The following DNAH2 variants were observed in gnomAD, a reference collection of about 807,000 sequenced individuals.
The protein encoded by DNAH2 is dynein axonemal heavy chain 2.
In DNAH2, 323 loss-of-function variants were observed where a neutral mutation model predicts 523.5. The observed-to-expected ratio is 0.62, with a 90% CI of 0.56 to 0.68. The LOEUF (loss-of-function observed/expected upper bound fraction) is 0.68, where lower values mean the gene tolerates loss of function less well. Among genes scored for constraint, DNAH2 ranks in the 30% least tolerant of loss-of-function variants. DNAH2 has a pLI of 0.00. For missense variants in DNAH2, 4,907 were observed against 5,701.5 expected (o/e 0.86, Z 4.49); for synonymous variants, 2,093 against 2,177.4 (o/e 0.96, Z 1.08).
rs1399393264 is a variant in DNAH2 at position 7,780,611 on chromosome 17, CT to C, written c.5851-18del. ...TTGTGGGGAGATGGACTGTTTCCTC[CT>C]CTGTTTTGGTTCCCCAGATTCTGGC... On this transcript the variant is annotated intron_variant, in intron 37 of 85. Transcript: ENST00000572933. The surrounding 1 kb of genome is among the most constrained non-coding windows in gnomAD (Gnocchi z 4.4). The C allele has an allele frequency of 1.9e-6, 3 of 1,613,038 alleles. No individual in the cohort carries two copies. The African/African-American group carries it at 4.0e-5, about 22-fold the overall frequency.
chr17:7,816,420 A>G, intron 63 of DNAH2, 151 bp from the exon 64 acceptor site: 1 of 851,062 alleles, frequency 1.2e-6, no homozygotes, highest in Non-Finnish European at 1.8e-6. Context: ...TAGGGTAGGT[A>G]TTCTTTTACA....
chr17:7,789,365 G>A (rs1452775807), intron 44 of DNAH2, among the ~76,000 whole-genome samples: 1 of 152,152 alleles, frequency 6.6e-6, no homozygotes, highest in South Asian at 2.1e-4. Flanking sequence ...AGGGCGGGCC[G>A]AGCTGGTGGT....
In DNAH2 at chr17:7,819,345, G is replaced by A. The variant is rs57926692; in HGVS notation, c.10952G>A (p.Arg3651His). 6,534 of 1,614,192 alleles carry A rather than the reference G, an allele frequency of 4.0e-3. 209 individuals carry two copies. The African/African-American group carries it at 0.069, about 17-fold the overall frequency. ...ATTCTCAGCATTGACAAAAGCCACC[G>A]CAGCAATAAGCTGGAGGACCGCATT... ...LFILSIDKSH[R>H]SNKLEDRIDY... is the part of the protein sequence containing the mutation. Residue 3651 changes from arginine to histidine, a missense_variant, in exon 72 of 86, where the codon CGC becomes CAC. Physicochemically the swap from Arg to His is conservative, Grantham distance 29 (BLOSUM62 0). Around this residue, in one of 3 missense-constraint regions of DNAH2, gnomAD observed 1,851 missense variants for 2,139.4 expected, o/e 0.87. Coordinates refer to ENST00000572933, the MANE Select transcript of DNAH2 (RefSeq NM_020877.5).
intron 72 of DNAH2, 31 bp downstream of exon 72, chr17:7,819,439 C>A: frequency 6.2e-7 from 1 of 1,612,972 alleles, no homozygotes; most frequent in Non-Finnish European, 8.5e-7. Flanking sequence ...TGCCCCAGCC[C>A]GGAGGCCGAG....
chr17:7,805,520 C>A, intron 61 of DNAH2, 127 bp downstream of exon 61: 1 of 1,381,006 alleles, frequency 7.2e-7, no homozygotes, highest in Non-Finnish European at 9.8e-7. Flanking sequence ...GAGCACAGGG[C>A]CTAGTAGAAA....
chr17:7,817,456 A>G, intron 65 of DNAH2, 41 bp downstream of exon 65: 1 of 1,613,406 alleles, frequency 6.2e-7, no homozygotes, highest in East Asian at 2.2e-5. Flanking sequence ...CTCCGAGACC[A>G]GGGCTGGGGG....
At chr17:7,765,703 G>A in intron 21 of DNAH2, 138 bp downstream of exon 21, 2 of 903,196 alleles carry the variant, frequency 2.2e-6, no homozygotes, top group Admixed American at 5.5e-5. Flanking sequence ...CCTCCACTCA[G>A]GAGCAAAGGA....
intron 11 of DNAH2, among the ~76,000 whole-genome samples, chr17:7,742,374 T>C (rs1380501320): frequency 6.6e-6 from 1 of 152,124 alleles, no homozygotes; most frequent in East Asian, 1.9e-4. Flanking sequence ...GAAGTTGCAG[T>C]GAGCCGAGAT....
In DNAH2 at chr17:7,759,512, C is replaced by G. The variant is rs1255836088; in HGVS notation, c.2539C>G (p.Leu847Val). 6.2e-7 allele frequency: 1 copy of G among 1,614,222 alleles called. No homozygotes were observed. The highest frequency in any genetic ancestry group is 1.1e-5 in the South Asian group (1 of 91,086). The change falls in exon 16 of 86, where the codon CTA (leucine) becomes GTA (valine). Residue 847 changes from leucine (L) to valine (V), a missense_variant. Around this residue, in one of 3 missense-constraint regions of DNAH2, gnomAD observed 2,806 missense variants for 3,190.8 expected, o/e 0.88. Transcript: ENST00000572933. Reference protein sequence around the residue: ...RLNVKWSLLELSKAINGDGKT... With the variant: ...RLNVKWSLLEVSKAINGDGKT... Reference sequence around the variant, plus strand: ...GAATGTGAAGTGGTCACTGCTAGAACTATCCAAGGCTATCAACGGGGATGG... The same window carrying G: ...GAATGTGAAGTGGTCACTGCTAGAAGTATCCAAGGCTATCAACGGGGATGG...
chr17:7,733,337 A>G, intron 5 of DNAH2, 22 bp downstream of exon 5: 2 of 1,611,876 alleles, frequency 1.2e-6, no homozygotes, highest in Non-Finnish European at 1.7e-6. Context: ...GACCGGAGTG[A>G]CTAGTTTCTC....
At chr17:7,801,393 A>G (rs2077219377) in intron 56 of DNAH2, among the ~76,000 whole-genome samples, 185 bp from the exon 57 acceptor site, 1 of 152,214 alleles carries the variant, frequency 6.6e-6, no homozygotes, top group Non-Finnish European at 1.5e-5. Flanking sequence ...TTCTGATGCC[A>G]GAAGCTGTTT....
intron 64 of DNAH2, 91 bp from the exon 65 acceptor site, chr17:7,817,199 A>G (rs1278523376): frequency 1.0e-5 from 15 of 1,490,438 alleles, no homozygotes; most frequent in Non-Finnish European, 1.2e-5. Flanking sequence ...TGAACCTGAC[A>G]GTGTCCAGAA....
intron 56 of DNAH2, 106 bp from the exon 57 acceptor site, chr17:7,801,471 TG>T: frequency 6.7e-7 from 1 of 1,491,802 alleles, no homozygotes; most frequent in Non-Finnish European, 9.2e-7. Context: ...AGCAAGGGGA[TG>T]GGGCATTTTA....
At chr17:7,762,748 CAG>C in intron 18 of DNAH2, among the ~76,000 whole-genome samples, 1 of 152,156 alleles carries the variant, frequency 6.6e-6, no homozygotes, top group East Asian at 1.9e-4. Flanking sequence ...GTTCACCCCA[CAG>C]AGTGAGATCT....
At chr17:7,830,590 T>G in intron 78 of DNAH2, 68 bp from the exon 79 acceptor site, 1 of 1,608,656 alleles carries the variant, frequency 6.2e-7, no homozygotes, top group South Asian at 1.1e-5. Context: ...AAGCCTGTGT[T>G]GAAGCCCCAT....
At position 7,807,066 on chromosome 17, in the gene DNAH2, A is replaced by G. The variant is rs2077385769; in HGVS notation, c.9443-84A>G. ...AACTGAGCCCAGGAAAAATGTGGCTATGCGTGAGTAGTGGAGGTGAAACTG... is the reference window on the plus strand; with the variant it reads ...AACTGAGCCCAGGAAAAATGTGGCTGTGCGTGAGTAGTGGAGGTGAAACTG... On this transcript the variant is annotated intron_variant, in intron 61 of 85. Coordinates refer to ENST00000572933, the MANE Select transcript of DNAH2 (RefSeq NM_020877.5). This position sits in a 1 kb window ranked among gnomAD's most constrained non-coding sequence, Gnocchi z 5.6. The G allele has an allele frequency of 7.3e-6, 11 of 1,497,426 alleles. No individual in the cohort carries two copies. In the South Asian group the frequency reaches 1.3e-4, roughly 17 times the overall value. 92.8% of individuals were successfully genotyped at this position (1,497,426 alleles called of 1,614,324 possible). A position where few individuals can be genotyped will look rare whatever the true frequency, so the allele number is the denominator to read the frequency against.
At position 7,759,618 on chromosome 17, in the gene DNAH2, C is replaced by G. The variant is rs2151195959; in HGVS notation, c.2637+8C>G. 6.2e-7 allele frequency: 1 copy of G among 1,611,126 alleles called. No homozygotes were observed. Among genetic ancestry groups the G allele is most frequent in the South Asian group, 1.1e-5 (1 of 90,802 alleles). ...CAAGGAAGTGTGGCACAGGTAAGAACCACTTTGCCCCCAACATCTCAAAAC... is the reference window on the plus strand; with the variant it reads ...CAAGGAAGTGTGGCACAGGTAAGAAGCACTTTGCCCCCAACATCTCAAAAC... On this transcript the variant is annotated splice_region_variant and intron_variant, in intron 16 of 85. Transcript: ENST00000572933.
chr17:7,740,501 G>T lies in DNAH2; in HGVS notation c.1458G>T (p.Pro486=), dbSNP rs778583402. 6 of 1,614,138 alleles carry T rather than the reference G, an allele frequency of 3.7e-6. No homozygotes were observed. The highest frequency in any genetic ancestry group is 2.5e-6 in the Non-Finnish European group (3 of 1,180,026). ...TSAFELVRDV[P]HGVLLLDTFH... ...CCTTCGAGTTGGTGCGGGACGTGCC[G>T]CACGGCGTGCTTCTGCTGGACACCT... Residue 486 remains proline, a synonymous_variant, in exon 10 of 86, where the codon CCG becomes CCT. Coordinates refer to ENST00000572933, the MANE Select transcript of DNAH2 (RefSeq NM_020877.5).
In DNAH2 at chr17:7,798,303, C is replaced by T. The variant is rs138592684; in HGVS notation, c.8377C>T (p.Arg2793Trp). The change falls in exon 54 of 86, where the codon CGG becomes TGG. Residue 2793 changes from arginine to tryptophan, a missense_variant. Arg to Trp is a moderately radical substitution (Grantham distance 101). This residue lies in a region of DNAH2 where 1,851 missense variants were observed against 2,139.4 expected (regional missense o/e 0.87). Transcript: ENST00000572933. This position sits in a 1 kb window ranked among gnomAD's most constrained non-coding sequence, Gnocchi z 5.5. ...TFQIEVTKHY[R>W]KQEFRDDIKR... ...CCAGATCGAGGTCACCAAACATTAT[C>T]GGAAGCAGGAGTTCCGAGATGGTAC... is the stretch of plus-strand genomic sequence containing the variant. The T allele has an allele frequency of 7.9e-5, 127 of 1,611,772 alleles. No individual in the cohort carries two copies. The African/African-American group carries it at 9.2e-4, about 12-fold the overall frequency.
Sources: allele counts gnomAD v4.1 joint callset (sites outside exome capture counted in the v4.1 genomes callset), GRCh38; gene constraint gnomAD v4.1.1; regional missense constraint gnomAD v4.1.1; non-coding constraint Gnocchi (gnomAD v3.1); transcripts MANE v1.5; gene names NCBI Gene and HGNC (gene_info 2026-07-23, HGNC 2026-07-21).